AKAP6: variants seen among roughly 807,000 people sequenced by gnomAD.
The protein encoded by AKAP6 is A-kinase anchoring protein 6.
Under a neutral mutation model 188.5 loss-of-function variants are expected in AKAP6, and 58 were observed. That is an observed-to-expected ratio of 0.31 (90% CI 0.25 to 0.38). AKAP6 has a LOEUF of 0.38. Ranked by LOEUF, AKAP6 falls within the 10% of genes least tolerant of loss-of-function variation. The pLI, the probability that AKAP6 is intolerant of heterozygous loss-of-function variation, is 1.00. For synonymous variants in AKAP6, 989 were observed against 998.6 expected, an observed-to-expected ratio of 0.99 and a Z score of 0.18; for missense variants, 2,710 against 2,740.0, an observed-to-expected ratio of 0.99 and a Z score of 0.24.
chr14:32,801,899 G>T (rs1209834050), intron 12 of AKAP6, among the ~76,000 whole-genome samples: 1 of 152,076 alleles, frequency 6.6e-6, no homozygotes, highest in Admixed American at 6.5e-5. Flanking sequence ...TATGGATACA[G>T]TTTTTTATCC....
At chr14:32,708,848 A>G (rs1890922315) in intron 9 of AKAP6, among the ~76,000 whole-genome samples, 1 of 151,930 alleles carries the variant, frequency 6.6e-6, no homozygotes, top group Non-Finnish European at 1.5e-5. Flanking sequence ...GACATGCTGC[A>G]GTTTGAAAAT....
chr14:32,408,842 A>G (rs1889380378), intron 1 of AKAP6, among the ~76,000 whole-genome samples: 2 of 152,078 alleles, frequency 1.3e-5, no homozygotes, highest in Admixed American at 1.3e-4. Flanking sequence ...TGGCAAGGAA[A>G]ATGCTGGTGA....
intron 2 of AKAP6, among the ~76,000 whole-genome samples, chr14:32,521,133 A>G (rs934124750): frequency 6.6e-5 from 10 of 152,194 alleles, no homozygotes; most frequent in Admixed American, 2.0e-4. Flanking sequence ...ACAAAATTCA[A>G]CAGCCCTTCA....
intron 1 of AKAP6, among the ~76,000 whole-genome samples, chr14:32,397,601 A>G (rs1431650737): frequency 6.6e-6 from 1 of 152,202 alleles, no homozygotes; most frequent in East Asian, 1.9e-4. Flanking sequence ...TATGACTTGA[A>G]TATCTTTATT....
At chr14:32,624,256 C>G (rs1030786102) in intron 7 of AKAP6, among the ~76,000 whole-genome samples, 1 of 152,038 alleles carries the variant, frequency 6.6e-6, no homozygotes, top group Admixed American at 6.6e-5. Context: ...AAGCACAGGA[C>G]TAATAGGACA....
At chr14:32,381,014 G>C (rs990880316) in intron 1 of AKAP6, among the ~76,000 whole-genome samples, 1 of 151,982 alleles carries the variant, frequency 6.6e-6, no homozygotes, top group Non-Finnish European at 1.5e-5. Flanking sequence ...TCTATGGTAG[G>C]AATAAGACAA....
chr14:32,379,876 CA>C (rs535670482), intron 1 of AKAP6, among the ~76,000 whole-genome samples: 10 of 152,330 alleles, frequency 6.6e-5, no homozygotes, highest in Non-Finnish European at 1.2e-4. Flanking sequence ...AATCGTGTAT[CA>C]AACCCTGTCA....
chr14:32,454,377 A>G lies in AKAP6; in HGVS notation c.324+20560A>G, dbSNP rs190687766. Among the ~76,000 whole-genome samples, 389 of 152,328 alleles carry G rather than the reference A, an allele frequency of 2.6e-3. 1 individual carries two copies. Among genetic ancestry groups the G allele is most frequent in the Middle Eastern group, 6.8e-3 (2 of 294 alleles). ...CACCCCCTTCAGCGAGTCATGTGCT[A>G]GAACACAACCGATGAGAATGCTTGT... On this transcript the variant is annotated intron_variant, in intron 2 of 13. Coordinates refer to ENST00000280979, the MANE Select transcript of AKAP6 (RefSeq NM_004274.5).
At chr14:32,583,089 T>C (rs1174955937) in intron 5 of AKAP6, among the ~76,000 whole-genome samples, 2 of 152,218 alleles carry the variant, frequency 1.3e-5, no homozygotes, top group African/African-American at 4.8e-5. Context: ...TTCCAGTTTT[T>C]CTGCTCTGTT....
intron 11 of AKAP6, among the ~76,000 whole-genome samples, chr14:32,745,606 T>C (rs1239880823): frequency 6.6e-6 from 1 of 151,860 alleles, no homozygotes; most frequent in Non-Finnish European, 1.5e-5. Context: ...ATGACTGTGC[T>C]GGTTCAGACC....
chr14:32,388,262 G>T (rs940502494), intron 1 of AKAP6, among the ~76,000 whole-genome samples: 15 of 151,972 alleles, frequency 9.9e-5, no homozygotes, highest in African/African-American at 3.6e-4. Context: ...CTTGCTAATG[G>T]TCTATTAATT....
intron 9 of AKAP6, among the ~76,000 whole-genome samples, chr14:32,713,858 G>A (rs920403816): frequency 2.0e-5 from 3 of 152,044 alleles, no homozygotes; most frequent in Non-Finnish European, 4.4e-5. Context: ...GCTCACTGGA[G>A]TAGCACTTTT....
intron 4 of AKAP6, among the ~76,000 whole-genome samples, chr14:32,573,385 A>G (rs1566582722): frequency 1.3e-5 from 2 of 152,196 alleles, no homozygotes; most frequent in Non-Finnish European, 2.9e-5. Flanking sequence ...TCAGAATATT[A>G]GAAACACACA....
chr14:32,498,354 T>G (rs1315707044), intron 2 of AKAP6, among the ~76,000 whole-genome samples: 1 of 151,974 alleles, frequency 6.6e-6, no homozygotes, highest in Non-Finnish European at 1.5e-5. Flanking sequence ...TTTTTTCCAG[T>G]CATTCATATG....
chr14:32,432,312 A>T (rs1890250998), intron 1 of AKAP6, among the ~76,000 whole-genome samples: 1 of 152,210 alleles, frequency 6.6e-6, no homozygotes, highest in Non-Finnish European at 1.5e-5. Context: ...CTAAAAGTTG[A>T]TATTTTATAC....
intron 9 of AKAP6, chr14:32,726,206 C>A (rs2030864590): frequency 2.0e-6 from 2 of 983,436 alleles, no homozygotes; most frequent in Admixed American, 6.2e-5. Context: ...ATCTTTACTG[C>A]AGACTAAGGA....
chr14:32,792,336 C>T (rs77954006), intron 12 of AKAP6, among the ~76,000 whole-genome samples: 1 of 152,166 alleles, frequency 6.6e-6, no homozygotes, highest in Admixed American at 6.5e-5. Context: ...AGGACCTTCA[C>T]GTCCCTTGTA....
intron 7 of AKAP6, among the ~76,000 whole-genome samples, chr14:32,665,307 A>G (rs1358445724): frequency 6.6e-6 from 1 of 152,090 alleles, no homozygotes; most frequent in Non-Finnish European, 1.5e-5. Flanking sequence ...AAAGTGCCAA[A>G]CTTTTGGCTT....
intron 11 of AKAP6, among the ~76,000 whole-genome samples, chr14:32,751,120 G>A (rs1297320328): frequency 6.6e-6 from 1 of 151,712 alleles, no homozygotes; most frequent in Non-Finnish European, 1.5e-5. Context: ...AAAAATAAAA[G>A]TAATTCAGAA....
Sources: gnomAD v4.1 joint callset for allele counts (sites outside exome capture counted in the v4.1 genomes callset) on GRCh38, gnomAD v4.1.1 for gene constraint, MANE v1.5 for transcripts, NCBI Gene and HGNC (gene_info 2026-07-23, HGNC 2026-07-21) for gene names.